ZMYM4: variants seen among roughly 807,000 people sequenced by gnomAD.
ZMYM4 encodes the protein zinc finger MYM-type containing 4, also known as zinc finger MYM-type protein 4.
A neutral mutation model predicts 183.2 loss-of-function variants in ZMYM4; 31 were observed. The observed-to-expected ratio is 0.17, with a 90% confidence interval of 0.13 to 0.23. The LOEUF (loss-of-function observed/expected upper bound fraction) is 0.23. ZMYM4 is among the 10% of genes least tolerant of loss of function. The pLI, the probability that ZMYM4 is intolerant of heterozygous loss-of-function variation, is 1.00. For missense variants in ZMYM4, 1,273 were observed against 1,840.3 expected, an observed-to-expected ratio of 0.69 and a Z score of 5.64; for synonymous variants, 592 against 631.2, an observed-to-expected ratio of 0.94 and a Z score of 0.93.
intron 9 of ZMYM4, among the ~76,000 whole-genome samples, chr1:35,384,426 T>G (rs528109131): frequency 6.6e-6 from 1 of 152,338 alleles, no homozygotes; most frequent in South Asian, 2.1e-4. Flanking sequence ...ATCTCCTAAT[T>G]GGTGCTGGAC....
intron 1 of ZMYM4, among the ~76,000 whole-genome samples, chr1:35,272,766 T>C (rs141274461): frequency 0.012 from 1,828 of 152,308 alleles, 38 homozygotes; most frequent in African/African-American, 0.042. Context: ...TGGAGTGCAG[T>C]GGCGCTATCT....
chr1:35,283,266 C>T (rs112406733), intron 1 of ZMYM4, among the ~76,000 whole-genome samples: 5,420 of 146,716 alleles, frequency 0.037, 156 homozygotes, highest in Non-Finnish European at 0.057. Context: ...CTACCTACCT[C>T]GGCCTTTCAA....
intron 5 of ZMYM4, among the ~76,000 whole-genome samples, chr1:35,368,061 G>GACCCC (rs1558095413): frequency 3.1e-5 from 3 of 98,288 alleles, no homozygotes; most frequent in African/African-American, 4.1e-5. Flanking sequence ...CAAATCCAGC[G>GACCCC]CCCCCCCCCC....
intron 1 of ZMYM4, among the ~76,000 whole-genome samples, chr1:35,301,068 T>C (rs545781740): frequency 4.6e-5 from 7 of 152,332 alleles, no homozygotes; most frequent in Admixed American, 2.0e-4. Flanking sequence ...ATATTTTTGG[T>C]ACCCTGTATC....
At chr1:35,321,496 A>G (rs989108947) in intron 1 of ZMYM4, among the ~76,000 whole-genome samples, 5 of 152,256 alleles carry the variant, frequency 3.3e-5, no homozygotes, top group African/African-American at 1.2e-4. Context: ...GAAGGCAGGA[A>G]AAGATAAAGC....
chr1:35,375,952 T>A (rs1570471089), intron 7 of ZMYM4, among the ~76,000 whole-genome samples: 1 of 152,086 alleles, frequency 6.6e-6, no homozygotes, highest in South Asian at 2.1e-4. Flanking sequence ...GCCACATGCC[T>A]GTAATCCCAG....
chr1:35,301,600 A>G (rs1481346034), intron 1 of ZMYM4, among the ~76,000 whole-genome samples: 1 of 151,188 alleles, frequency 6.6e-6, no homozygotes, highest in Non-Finnish European at 1.5e-5. Flanking sequence ...AACATGAACT[A>G]TTTCAGGCCC....
At chr1:35,370,152 T>C (rs1333574357) in intron 6 of ZMYM4, 39 bp downstream of exon 6, 9 of 1,594,300 alleles carry the variant, frequency 5.6e-6, no homozygotes, top group Non-Finnish European at 7.7e-6. Flanking sequence ...GTGTATGTTC[T>C]GACCAATATG....
At chr1:35,324,310 G>T (rs1237330230) in intron 1 of ZMYM4, among the ~76,000 whole-genome samples, 1 of 151,948 alleles carries the variant, frequency 6.6e-6, no homozygotes, top group African/African-American at 2.4e-5. Flanking sequence ...TGTTGGCCAG[G>T]ATGGTCTTGA....
At chr1:35,297,158 C>T (rs560391261) in intron 1 of ZMYM4, among the ~76,000 whole-genome samples, 1 of 152,116 alleles carries the variant, frequency 6.6e-6, no homozygotes, top group East Asian at 1.9e-4. Flanking sequence ...CCTGCTCTTA[C>T]TTTTTCTTTC....
At chr1:35,408,411 C>T (rs534890590) in intron 26 of ZMYM4, among the ~76,000 whole-genome samples, 5 of 152,202 alleles carry the variant, frequency 3.3e-5, no homozygotes, top group African/African-American at 1.2e-4. Flanking sequence ...TATTTATTGA[C>T]CTAGGAAATT....
intron 1 of ZMYM4, among the ~76,000 whole-genome samples, chr1:35,304,569 C>T (rs1641441473): frequency 1.3e-5 from 2 of 151,394 alleles, no homozygotes; most frequent in Middle Eastern, 3.4e-3. Flanking sequence ...ATCATCCTCC[C>T]ACCTCAGCCT....
intron 5 of ZMYM4, among the ~76,000 whole-genome samples, chr1:35,365,239 C>CT (rs746304675): frequency 0.1 from 8,507 of 85,286 alleles, 460 homozygotes; most frequent in East Asian, 0.21. Context: ...TAATCAAAGT[C>CT]TTTTTTTTTT....
chr1:35,321,053 C>T lies in ZMYM4; in HGVS notation c.40-4307C>T, dbSNP rs575464525. ...TTTAGTCTCCAAAGTTGGATTAAAA[C>T]TCAAGGTTTGTATAACCCCTGTTAT... On this transcript the variant is annotated intron_variant, in intron 1 of 29. Transcript: ENST00000314607. Among the ~76,000 whole-genome samples the T allele has an allele frequency of 8.5e-5, 13 of 152,314 alleles. 2 individuals carry two copies. Among genetic ancestry groups the T allele is most frequent in the African/African-American group, 2.6e-4 (11 of 41,570 alleles).
chr1:35,359,391 T>C lies in ZMYM4; in HGVS notation c.552T>C (p.Asp184=). The change falls in exon 3 of 30, where the codon GAT becomes GAC. Residue 184 remains aspartate, a synonymous_variant. Transcript: ENST00000314607. ...DLTYEREKRL[D]KPHKDLDSRL... ...CTTATGAACGTGAAAAACGGTTGGA[T>C]AAACCCCATAAAGATTTGGATTCAA... The C allele has an allele frequency of 6.3e-7, 1 of 1,584,830 alleles. No individual in the cohort carries two copies. The highest frequency in any genetic ancestry group is 1.4e-5 in the African/African-American group (1 of 72,940).
At chr1:35,380,237 G>A (rs1644423179) in intron 7 of ZMYM4, among the ~76,000 whole-genome samples, 1 of 152,156 alleles carries the variant, frequency 6.6e-6, no homozygotes, top group Non-Finnish European at 1.5e-5. Flanking sequence ...TTATGTGGAT[G>A]TATACTCATG....
At chr1:35,280,657 T>C (rs548382506) in intron 1 of ZMYM4, among the ~76,000 whole-genome samples, 1 of 152,332 alleles carries the variant, frequency 6.6e-6, no homozygotes, top group South Asian at 2.1e-4. Context: ...TCCTCCTCTC[T>C]TTGAGCCTCT....
At chr1:35,306,224 A>G (rs1222341413) in intron 1 of ZMYM4, among the ~76,000 whole-genome samples, 2 of 152,178 alleles carry the variant, frequency 1.3e-5, no homozygotes, top group Non-Finnish European at 2.9e-5. Context: ...TACAGCATGC[A>G]TCTTTTAAGT....
chr1:35,295,264 T>G (rs1640950742), intron 1 of ZMYM4, among the ~76,000 whole-genome samples: 1 of 152,154 alleles, frequency 6.6e-6, no homozygotes, highest in African/African-American at 2.4e-5. Context: ...AGCAAAGATC[T>G]GAAAGAAATG....
Sources: allele counts gnomAD v4.1 joint callset (sites outside exome capture counted in the v4.1 genomes callset), GRCh38; gene constraint gnomAD v4.1.1; transcripts MANE v1.5; gene names NCBI Gene and HGNC (gene_info 2026-07-23, HGNC 2026-07-21).